Variants in DDAH1 observed in about 807,000 individuals in gnomAD.
DDAH1 encodes dimethylarginine dimethylaminohydrolase 1, also known as N(G),N(G)-dimethylarginine dimethylaminohydrolase 1.
Under a neutral mutation model 28.8 loss-of-function variants are expected in DDAH1, and 19 were observed. The ratio of observed to expected loss-of-function variants is 0.66; its 90% CI spans 0.46 to 0.97. DDAH1 has a LOEUF of 0.97. Ranked by LOEUF, DDAH1 falls within the 50% of genes least tolerant of loss-of-function variation. The probability of loss-of-function intolerance (pLI) is 0.00; values close to 1 mark genes in which losing one functional copy is unlikely to be tolerated. For missense variants in DDAH1, 326 were observed against 375.9 expected (o/e 0.87, Z 1.10); for synonymous variants, 153 against 154.4 (o/e 0.99, Z 0.07).
intron 4 of DDAH1, among the ~76,000 whole-genome samples, chr1:85,340,516 C>A (rs556450113): frequency 2.6e-5 from 4 of 152,216 alleles, no homozygotes; most frequent in African/African-American, 9.6e-5. Flanking sequence ...CTTTTTCTCC[C>A]TTTAAAGTCC....
intron 1 of DDAH1, among the ~76,000 whole-genome samples, chr1:85,422,535 T>C (rs1193287317): frequency 6.6e-6 from 1 of 152,214 alleles, no homozygotes; most frequent in Non-Finnish European, 1.5e-5. Flanking sequence ...TTTTGCATTT[T>C]ACGTTTTGGT....
At chr1:85,393,394 C>G (rs998681131) in intron 1 of DDAH1, among the ~76,000 whole-genome samples, 1 of 152,138 alleles carries the variant, frequency 6.6e-6, no homozygotes, top group Non-Finnish European at 1.5e-5. Flanking sequence ...AAGAAAATGC[C>G]TTCTTTGTCC....
intron 1 of DDAH1, among the ~76,000 whole-genome samples, chr1:85,434,201 T>G (rs1653829836): frequency 1.3e-5 from 2 of 152,182 alleles, no homozygotes. Context: ...TTATTACATT[T>G]AACATTTTGA....
chr1:85,540,005 T>C (rs1445754992), intron 1 of DDAH1, among the ~76,000 whole-genome samples: 1 of 152,140 alleles, frequency 6.6e-6, no homozygotes, highest in Non-Finnish European at 1.5e-5. Context: ...ATTTTATAAC[T>C]ATGAAATATT....
At chr1:85,562,868 A>G (rs1336211198) in intron 1 of DDAH1, among the ~76,000 whole-genome samples, 1 of 152,232 alleles carries the variant, frequency 6.6e-6, no homozygotes, top group Non-Finnish European at 1.5e-5. Context: ...AGGAATTAAT[A>G]CAGATACTCC....
At chr1:85,459,232 A>G (rs1001260947) in intron 1 of DDAH1, among the ~76,000 whole-genome samples, 3 of 152,254 alleles carry the variant, frequency 2.0e-5, no homozygotes, top group African/African-American at 7.2e-5. Flanking sequence ...AATACATGCA[A>G]AGGCAATTTT....
At chr1:85,506,567 C>A (rs1253720985) in intron 1 of DDAH1, among the ~76,000 whole-genome samples, 3 of 152,184 alleles carry the variant, frequency 2.0e-5, no homozygotes, top group African/African-American at 7.2e-5. Context: ...CACCCTAGAC[C>A]CACAACTTAA....
At chr1:85,458,370 A>C (rs1015639933) in intron 1 of DDAH1, among the ~76,000 whole-genome samples, 20 of 151,700 alleles carry the variant, frequency 1.3e-4, no homozygotes, top group African/African-American at 4.8e-4. Flanking sequence ...AATGATGTAC[A>C]TTATTAAATT....
intron 4 of DDAH1, among the ~76,000 whole-genome samples, chr1:85,332,944 G>A (rs542114501): frequency 6.6e-6 from 1 of 152,154 alleles, no homozygotes; most frequent in South Asian, 2.1e-4. Context: ...GTGCCCATGG[G>A]GAGCCTGAGG....
intron 1 of DDAH1, among the ~76,000 whole-genome samples, chr1:85,406,572 A>G (rs943092485): frequency 3.9e-5 from 6 of 152,166 alleles, no homozygotes; most frequent in Non-Finnish European, 8.8e-5. Context: ...TAAAAAATTA[A>G]TTTTTTAATT....
intron 1 of DDAH1, among the ~76,000 whole-genome samples, chr1:85,382,490 A>C (rs1651043792): frequency 6.6e-6 from 1 of 152,248 alleles, no homozygotes; most frequent in Admixed American, 6.5e-5. Context: ...TGAAGCGATA[A>C]GTGCTGATGT....
chr1:85,459,910 G>A (rs1158680264), intron 1 of DDAH1, among the ~76,000 whole-genome samples: 1 of 152,076 alleles, frequency 6.6e-6, no homozygotes, highest in African/African-American at 2.4e-5. Flanking sequence ...GTGTAAAATG[G>A]GATTTAAGTA....
intron 2 of DDAH1, among the ~76,000 whole-genome samples, chr1:85,476,795 T>A (rs779164221): frequency 1.3e-5 from 2 of 152,152 alleles, no homozygotes; most frequent in Non-Finnish European, 2.9e-5. Flanking sequence ...CTGTTATTCT[T>A]CCAAGATAGT....
intron 2 of DDAH1, among the ~76,000 whole-genome samples, chr1:85,478,548 T>G (rs1441128950): frequency 2.0e-5 from 3 of 151,598 alleles, no homozygotes; most frequent in African/African-American, 7.2e-5. Context: ...TCATGAGACT[T>G]ATTCACTAAC....
chr1:85,576,325 G>C (rs916019144), intron 1 of DDAH1, among the ~76,000 whole-genome samples: 2 of 152,154 alleles, frequency 1.3e-5, no homozygotes, highest in African/African-American at 4.8e-5. Context: ...TGAGAAGCAG[G>C]CAAGGTCCCG....
At chr1:85,410,850 G>A (rs1570504300) in intron 1 of DDAH1, among the ~76,000 whole-genome samples, 1 of 152,170 alleles carries the variant, frequency 6.6e-6, no homozygotes, top group East Asian at 1.9e-4. Flanking sequence ...GAATGCCAAA[G>A]TATACAAGCC....
chr1:85,569,051 G>T (rs1477952136), intron 1 of DDAH1, among the ~76,000 whole-genome samples: 1 of 152,220 alleles, frequency 6.6e-6, no homozygotes, highest in Admixed American at 6.5e-5. Context: ...GCTTTAAAAG[G>T]CCTGTGTGAA....
chr1:85,531,896 G>A (rs575250158), intron 1 of DDAH1, among the ~76,000 whole-genome samples: 43 of 151,254 alleles, frequency 2.8e-4, no homozygotes, highest in African/African-American at 9.0e-4. Flanking sequence ...AAAAAGGCAG[G>A]GCTGGAATTT....
intron 1 of DDAH1, among the ~76,000 whole-genome samples, chr1:85,523,151 A>G (rs1657749853): frequency 6.6e-6 from 1 of 152,140 alleles, no homozygotes; most frequent in Non-Finnish European, 1.5e-5. Context: ...GGGCTCACGC[A>G]GTTGAAGGAG....
Sources: gnomAD v4.1 joint callset for allele counts (sites outside exome capture counted in the v4.1 genomes callset) on GRCh38, gnomAD v4.1.1 for gene constraint, MANE v1.5 for transcripts, NCBI Gene and HGNC (gene_info 2026-07-23, HGNC 2026-07-21) for gene names.